RASA3: variants seen among roughly 807,000 people sequenced by gnomAD.
RASA3 encodes RAS p21 protein activator 3.
RASA3 carries 73 observed loss-of-function variants against 110.0 expected under a neutral mutation model. The observed-to-expected ratio is 0.66, with a 90% CI of 0.55 to 0.81. RASA3 has a LOEUF of 0.81. Among genes scored for constraint, RASA3 ranks in the 30% least tolerant of loss-of-function variants. The pLI is 0.00. For missense variants in RASA3, 976 were observed against 1,113.2 expected (o/e 0.88, Z 1.75); for synonymous variants, 500 against 451.4 (o/e 1.11, Z -1.37).
At chr13:114,073,337 T>G (rs71449068) in intron 2 of RASA3, among the ~76,000 whole-genome samples, 1 of 106,822 alleles carries the variant, frequency 9.4e-6, no homozygotes, top group Non-Finnish European at 1.9e-5. Flanking sequence ...GGGACGGTGA[T>G]GTACATGCTT....
At chr13:114,083,711 AAATCAC>A (rs2079820147) in intron 1 of RASA3, among the ~76,000 whole-genome samples, 1 of 39,440 alleles carries the variant, frequency 2.5e-5, no homozygotes. Flanking sequence ...CCTCGCGGGG[AAATCAC>A]GGGGAAGTGG....
At chr13:113,996,378 C>T (rs1379131675) in intron 21 of RASA3, among the ~76,000 whole-genome samples, 153 bp downstream of exon 21, 1 of 152,178 alleles carries the variant, frequency 6.6e-6, no homozygotes, top group African/African-American at 2.4e-5. Flanking sequence ...GGGAGGACCC[C>T]TCGGGTGGGA....
At chr13:114,058,290 C>T (rs938100332) in intron 2 of RASA3, among the ~76,000 whole-genome samples, 3 of 152,270 alleles carry the variant, frequency 2.0e-5, no homozygotes, top group East Asian at 1.9e-4. Context: ...GCGGCGAGGC[C>T]GTCACCACCA....
chr13:113,993,690 C>G (rs910406980), intron 21 of RASA3, among the ~76,000 whole-genome samples: 1 of 151,042 alleles, frequency 6.6e-6, no homozygotes, highest in Admixed American at 6.6e-5. Flanking sequence ...CACCTATAAT[C>G]CCAGCTGCCT....
At chr13:114,066,628 G>C (rs937916006) in intron 2 of RASA3, among the ~76,000 whole-genome samples, 4 of 152,204 alleles carry the variant, frequency 2.6e-5, no homozygotes, top group African/African-American at 9.6e-5. Flanking sequence ...TAGACACTCA[G>C]TACTCACAGA....
chr13:113,998,463 G>C (rs913590258), intron 20 of RASA3, among the ~76,000 whole-genome samples: 1 of 152,246 alleles, frequency 6.6e-6, no homozygotes, highest in Non-Finnish European at 1.5e-5. Context: ...TGCCTTCCCT[G>C]CAACTGTTCT....
intron 1 of RASA3, among the ~76,000 whole-genome samples, chr13:114,091,953 G>A (rs1313890240): frequency 6.6e-6 from 1 of 151,954 alleles, no homozygotes; most frequent in Non-Finnish European, 1.5e-5. Context: ...GTTTTCTAAT[G>A]TATTGGTGTA....
chr13:114,009,015 C>T (rs1019751946), intron 17 of RASA3, among the ~76,000 whole-genome samples: 10 of 149,770 alleles, frequency 6.7e-5, no homozygotes, highest in East Asian at 2.0e-4. Context: ...ATGTTCCCCA[C>T]GCACCGCGTT....
intron 1 of RASA3, among the ~76,000 whole-genome samples, chr13:114,082,093 G>A (rs1206893440): frequency 6.6e-6 from 1 of 152,234 alleles, no homozygotes; most frequent in Non-Finnish European, 1.5e-5. Flanking sequence ...GCCTGCAGGT[G>A]GTTCTGGGTG....
intron 7 of RASA3, among the ~76,000 whole-genome samples, chr13:114,025,862 C>T (rs766380232): frequency 1.1e-4 from 17 of 152,208 alleles, no homozygotes; most frequent in Non-Finnish European, 2.2e-4. Context: ...GCTCCCTCCC[C>T]GGGGCTCAGC....
chr13:114,076,384 A>AGCTAGGCTGCTAC (rs1311813601), intron 1 of RASA3, among the ~76,000 whole-genome samples: 1 of 152,202 alleles, frequency 6.6e-6, no homozygotes, highest in Non-Finnish European at 1.5e-5. Context: ...GGGAGAACAC[A>AGCTAGGCTGCTAC]GCTAGGCTGC....
intron 1 of RASA3, among the ~76,000 whole-genome samples, chr13:114,100,863 G>C (rs2080050737): frequency 6.6e-6 from 1 of 152,260 alleles, no homozygotes; most frequent in African/African-American, 2.4e-5. Context: ...GCTAGTGACT[G>C]ACAGGTGGAC....
At chr13:114,046,800 A>C (rs2079060527) in intron 3 of RASA3, among the ~76,000 whole-genome samples, 1 of 152,226 alleles carries the variant, frequency 6.6e-6, no homozygotes, top group South Asian at 2.1e-4. Flanking sequence ...CAGCCAACTA[A>C]GCTGTAAATG....
chr13:114,072,744 C>T (rs779197091), intron 2 of RASA3, among the ~76,000 whole-genome samples: 6 of 152,206 alleles, frequency 3.9e-5, no homozygotes, highest in Non-Finnish European at 7.3e-5. Context: ...GGGAGCATCT[C>T]CTCCTCAAAC....
chr13:114,111,207 C>G (rs1265906857), intron 1 of RASA3, among the ~76,000 whole-genome samples: 5 of 49,520 alleles, frequency 1.0e-4, no homozygotes, highest in East Asian at 1.4e-3. Context: ...CGAGTTCTAA[C>G]GGGCTGAGCC....
At chr13:114,076,497 CACGCACACACGCA>C (rs1425905461) in intron 1 of RASA3, among the ~76,000 whole-genome samples, 1 of 151,974 alleles carries the variant, frequency 6.6e-6, no homozygotes, top group Non-Finnish European at 1.5e-5. Context: ...ACACGCAGCA[CACGCACACACGCA>C]GCGCACACAC....
chr13:114,121,518 C>T (rs1016125101), intron 1 of RASA3, among the ~76,000 whole-genome samples: 94 of 152,202 alleles, frequency 6.2e-4, no homozygotes, highest in Admixed American at 3.2e-3. Flanking sequence ...CTGCCCCAAA[C>T]GGTCCCAGGG....
intron 15 of RASA3, among the ~76,000 whole-genome samples, chr13:114,012,234 C>T (rs1566475625): frequency 6.6e-6 from 1 of 151,986 alleles, no homozygotes; most frequent in Non-Finnish European, 1.5e-5. Context: ...TCTCGACTCC[C>T]CCAGAACGTA....
Position 114,132,496 on chromosome 13 carries a change from C to CG in RASA3, c.-8dup, listed in dbSNP as rs2080536082. ...CCTCGTCCTCCACCGCCATGCTGCGCGTCCGCGCCCGCCGAGCCTCGCCCC... is the reference window on the plus strand; with the variant it reads ...CCTCGTCCTCCACCGCCATGCTGCGCGGTCCGCGCCCGCCGAGCCTCGCCCC... On this transcript the variant is annotated 5_prime_UTR_variant, in exon 1 of 24. Transcript: ENST00000334062. 1.4e-6 allele frequency: 2 copies of CG among 1,465,558 alleles called. No individual in the cohort carries two copies. Among genetic ancestry groups the CG allele is most frequent in the African/African-American group, 2.9e-5 (2 of 68,296 alleles). The allele number at this position is 1,465,558 out of a possible 1,614,324, so 90.8% of individuals were successfully genotyped here.
Sources: gnomAD v4.1 joint callset for allele counts (sites outside exome capture counted in the v4.1 genomes callset) on GRCh38, gnomAD v4.1.1 for gene constraint, MANE v1.5 for transcripts, NCBI Gene and HGNC (gene_info 2026-07-23, HGNC 2026-07-21) for gene names.